The following OPCML variants were observed in gnomAD, a reference collection of about 807,000 sequenced individuals.
OPCML encodes opioid binding protein/cell adhesion molecule like.
In OPCML, 13 loss-of-function variants were observed where a neutral mutation model predicts 37.8. The observed-to-expected ratio is 0.34, with a 90% CI of 0.22 to 0.55. OPCML has a LOEUF of 0.55. OPCML is among the 20% of genes least tolerant of loss of function. The pLI, the probability that OPCML is intolerant of heterozygous loss-of-function variation, is 0.91. For synonymous variants in OPCML, 176 were observed against 168.8 expected (o/e 1.04, Z -0.33); for missense variants, 341 against 435.6 (o/e 0.78, Z 1.93).
At chr11:132,649,893 ACACT>A (rs1200167258) in intron 3 of OPCML, among the ~76,000 whole-genome samples, 1 of 151,964 alleles carries the variant, frequency 6.6e-6, no homozygotes, top group Non-Finnish European at 1.5e-5. Context: ...GTACACACTC[ACACT>A]CACGAATGCC....
intron 2 of OPCML, among the ~76,000 whole-genome samples, chr11:132,662,497 G>A (rs1181085773): frequency 6.6e-6 from 1 of 151,468 alleles, no homozygotes; most frequent in African/African-American, 2.4e-5. Flanking sequence ...CCTAGGAGCT[G>A]AGAACACAGT....
intron 3 of OPCML, among the ~76,000 whole-genome samples, chr11:132,586,260 A>C (rs2096472438): frequency 6.6e-6 from 1 of 152,226 alleles, no homozygotes; most frequent in Admixed American, 6.5e-5. Context: ...ATGAAACTGC[A>C]TCTCTGAGAT....
At chr11:133,077,837 A>G (rs1948647751) in intron 1 of OPCML, among the ~76,000 whole-genome samples, 1 of 152,084 alleles carries the variant, frequency 6.6e-6, no homozygotes, top group Admixed American at 6.6e-5. Flanking sequence ...CCGGCCACAG[A>G]AAAAAAATAC....
intron 1 of OPCML, among the ~76,000 whole-genome samples, chr11:133,493,403 G>A (rs939101145): frequency 3.9e-5 from 6 of 152,182 alleles, no homozygotes; most frequent in Admixed American, 2.0e-4. Context: ...AAGTCACCTC[G>A]AATCTCGTTC....
intron 3 of OPCML, among the ~76,000 whole-genome samples, chr11:132,560,862 G>T (rs1257108095): frequency 2.0e-5 from 3 of 152,110 alleles, no homozygotes; most frequent in Non-Finnish European, 4.4e-5. Flanking sequence ...CCACTCTGTG[G>T]GTTGTCTGTT....
At chr11:132,631,257 T>A in intron 3 of OPCML, among the ~76,000 whole-genome samples, 1 of 151,268 alleles carries the variant, frequency 6.6e-6, no homozygotes, top group Non-Finnish European at 1.5e-5. Context: ...CTTTTCAAAC[T>A]CATCAAATTG....
chr11:133,194,490 A>T (rs188957697), intron 1 of OPCML, among the ~76,000 whole-genome samples: 8 of 152,224 alleles, frequency 5.3e-5, no homozygotes, highest in African/African-American at 1.4e-4. Flanking sequence ...GATTACAGGC[A>T]TGAGCCACTG....
At chr11:133,404,130 C>A (rs1179376062) in intron 1 of OPCML, among the ~76,000 whole-genome samples, 1 of 151,756 alleles carries the variant, frequency 6.6e-6, no homozygotes, top group Non-Finnish European at 1.5e-5. Flanking sequence ...TCCAATCCGG[C>A]CTCAGTCTTC....
In OPCML at chr11:133,206,178, T is replaced by A. The variant is rs1254867184; in HGVS notation, c.62-263168A>T. 6.6e-6 allele frequency among the ~76,000 whole-genome samples: 1 copy of A among 152,192 alleles called. No individual in the cohort carries two copies. Among genetic ancestry groups the A allele is most frequent in the Non-Finnish European group, 1.5e-5 (1 of 68,024 alleles). Reference sequence around the variant, plus strand: ...TTCAAAAAGACAATGCACAAAAAACTGCTTCCCATGGTGCCTAAAACGTCA... The same window carrying A: ...TTCAAAAAGACAATGCACAAAAAACAGCTTCCCATGGTGCCTAAAACGTCA... On this transcript the variant is annotated intron_variant, in intron 1 of 7. Transcript: ENST00000524381. This position sits in a 1 kb window ranked among gnomAD's most constrained non-coding sequence, Gnocchi z 4.7.
chr11:133,146,590 G>A (rs1215773394), intron 1 of OPCML, among the ~76,000 whole-genome samples: 1 of 152,102 alleles, frequency 6.6e-6, no homozygotes, highest in Non-Finnish European at 1.5e-5. Context: ...TGGGATTACA[G>A]GCATGAGCCA....
chr11:132,436,788 AACAC>A lies in OPCML; in HGVS notation c.644-13_644-10del, dbSNP rs145479085. 5 of 1,604,078 alleles carry A rather than the reference AACAC, an allele frequency of 3.1e-6. No homozygotes were observed. Among genetic ancestry groups the A allele is most frequent in the Non-Finnish European group, 4.3e-6 (5 of 1,173,728 alleles). On this transcript the variant is annotated splice_polypyrimidine_tract_variant and intron_variant, in intron 5 of 7. Coordinates refer to ENST00000524381, the MANE Select transcript of OPCML (RefSeq NM_001012393.5). ...TGAGATATAGGGAGGATCTGTGGGA[AACAC>A]ACACACACACATGCACAGGCATGCA...
chr11:133,259,482 A>G (rs1000299805), intron 1 of OPCML, among the ~76,000 whole-genome samples: 55 of 152,288 alleles, frequency 3.6e-4, no homozygotes, highest in African/African-American at 1.3e-3. Flanking sequence ...AGAACAGTAT[A>G]TTTCTTCTTG....
intron 1 of OPCML, among the ~76,000 whole-genome samples, chr11:133,271,485 A>G (rs1941830697): frequency 6.6e-6 from 1 of 152,230 alleles, no homozygotes; most frequent in African/African-American, 2.4e-5. Context: ...AAGAGAGGAT[A>G]TCATCATAGC....
intron 1 of OPCML, among the ~76,000 whole-genome samples, chr11:133,052,660 C>T (rs1948152725): frequency 6.6e-6 from 1 of 152,174 alleles, no homozygotes; most frequent in Admixed American, 6.5e-5. Context: ...CCTTTGAGAA[C>T]ACTGTGTGTC....
At chr11:132,655,710 G>C (rs775511220) in intron 3 of OPCML, among the ~76,000 whole-genome samples, 2 of 152,120 alleles carry the variant, frequency 1.3e-5, no homozygotes, top group Non-Finnish European at 2.9e-5. Context: ...CCCCACACAT[G>C]CCATTACAAA....
rs187133961 is a variant in OPCML, at chr11:133,238,936, C to T, written c.61+293328G>A. On this transcript the variant is annotated intron_variant, in intron 1 of 7. Transcript: ENST00000524381. Reference sequence around the variant, plus strand: ...AGCCATTATTGTTCTATTACTCTAACGTTAATTGTGCATCATTGGAGTGCT... The same window carrying T: ...AGCCATTATTGTTCTATTACTCTAATGTTAATTGTGCATCATTGGAGTGCT... 2.6e-5 allele frequency among the ~76,000 whole-genome samples: 4 copies of T among 152,334 alleles called. No homozygotes were observed. In the East Asian group the frequency reaches 5.8e-4, roughly 22 times the overall value.
chr11:132,918,161 G>T (rs1050547829), intron 2 of OPCML, among the ~76,000 whole-genome samples: 3 of 151,964 alleles, frequency 2.0e-5, no homozygotes, highest in Non-Finnish European at 4.4e-5. Flanking sequence ...TTTATAATGC[G>T]ATTTTTAACA....
rs1555083177 is a variant in OPCML at position 133,051,058 on chromosome 11, T to TATACACAC, written c.62-108049_62-108048insGTGTGTAT. Among the ~76,000 whole-genome samples the TATACACAC allele has an allele frequency of 6.1e-4, 91 of 148,100 alleles. No homozygotes were observed. The East Asian group carries it at 0.015, about 24-fold the overall frequency. On this transcript the variant is annotated intron_variant, in intron 1 of 7. Coordinates refer to ENST00000524381, the MANE Select transcript of OPCML (RefSeq NM_001012393.5). ...CCTGTCCCTCCTCCATGTGTGTACA[T>TATACACAC]ACACACACACACACACACACACACA...
intron 1 of OPCML, among the ~76,000 whole-genome samples, chr11:133,325,158 G>A (rs559746705): frequency 6.6e-6 from 1 of 152,296 alleles, no homozygotes; most frequent in East Asian, 1.9e-4. Context: ...CCTTCCTAAT[G>A]GAAGCTCTGG....
Sources: allele counts gnomAD v4.1 joint callset (sites outside exome capture counted in the v4.1 genomes callset), GRCh38; gene constraint gnomAD v4.1.1; non-coding constraint Gnocchi (gnomAD v3.1); transcripts MANE v1.5; gene names NCBI Gene and HGNC (gene_info 2026-07-23, HGNC 2026-07-21).